ATXN7L1: variants seen among roughly 807,000 people sequenced by gnomAD.
The protein encoded by ATXN7L1 is ataxin 7 like 1.
ATXN7L1 carries 15 observed loss-of-function variants against 70.8 expected under a neutral mutation model. That is an observed-to-expected ratio of 0.21 (90% CI 0.14 to 0.33). The LOEUF (loss-of-function observed/expected upper bound fraction) is 0.33. Among genes scored for constraint, ATXN7L1 ranks in the 10% least tolerant of loss-of-function variants. The pLI, the probability that ATXN7L1 is intolerant of heterozygous loss-of-function variation, is 1.00. For synonymous variants in ATXN7L1, 440 were observed against 445.1 expected (o/e 0.99, Z 0.14); for missense variants, 975 against 1,097.1 (o/e 0.89, Z 1.57).
chr7:105,843,032 C>A (rs60969020), intron 2 of ATXN7L1, among the ~76,000 whole-genome samples: 2 of 151,978 alleles, frequency 1.3e-5, no homozygotes, highest in African/African-American at 4.8e-5. Context: ...ATAAAAGATA[C>A]GAAATCTTCA....
intron 2 of ATXN7L1, chr7:105,819,769 C>G (rs1309426270): frequency 1.3e-5 from 9 of 703,322 alleles, no homozygotes; most frequent in African/African-American, 1.2e-4. Context: ...CAAGACAAAG[C>G]AAGGCCGGGC....
intron 3 of ATXN7L1, among the ~76,000 whole-genome samples, chr7:105,750,068 T>C (rs1000626366): frequency 6.6e-6 from 1 of 151,862 alleles, no homozygotes; most frequent in Non-Finnish European, 1.5e-5. Flanking sequence ...ATTGACTTTT[T>C]TCTTCCCACT....
intron 4 of ATXN7L1, among the ~76,000 whole-genome samples, chr7:105,653,264 A>G (rs1283515131): frequency 2.0e-5 from 3 of 152,114 alleles, no homozygotes; most frequent in Non-Finnish European, 4.4e-5. Flanking sequence ...GCTGTCCAAC[A>G]TCATGAAACC....
At chr7:105,790,195 T>C (rs1228504682) in intron 2 of ATXN7L1, among the ~76,000 whole-genome samples, 1 of 152,202 alleles carries the variant, frequency 6.6e-6, no homozygotes, top group Non-Finnish European at 1.5e-5. Flanking sequence ...TAGAGTTTCT[T>C]TTTGGGTCAA....
chr7:105,651,546 G>C (rs1322586037), intron 4 of ATXN7L1, among the ~76,000 whole-genome samples: 1 of 152,194 alleles, frequency 6.6e-6, no homozygotes, highest in African/African-American at 2.4e-5. Context: ...CAGAGGGTGG[G>C]AGCAGCAGCC....
intron 2 of ATXN7L1, among the ~76,000 whole-genome samples, chr7:105,800,642 C>T (rs112046904): frequency 6.6e-6 from 1 of 152,178 alleles, no homozygotes; most frequent in Admixed American, 6.5e-5. Flanking sequence ...GACTAAAGAA[C>T]CACACAGGAA....
chr7:105,866,148 G>A lies in ATXN7L1; in HGVS notation c.250+9664C>T, dbSNP rs146963364. Among the ~76,000 whole-genome samples the A allele has an allele frequency of 2.1e-3, 326 of 152,160 alleles. 1 individual carries two copies. The highest frequency in any genetic ancestry group is 3.7e-3 in the African/African-American group (152 of 41,484). On this transcript the variant is annotated intron_variant, in intron 2 of 11. Coordinates refer to ENST00000419735, the MANE Select transcript of ATXN7L1 (RefSeq NM_020725.2). Reference sequence around the variant, plus strand: ...TGTCAATGCCTTGAGGTAAGGTCACGTAACTCACACTCCCCCTACAGTTAA... The same window carrying A: ...TGTCAATGCCTTGAGGTAAGGTCACATAACTCACACTCCCCCTACAGTTAA...
intron 3 of ATXN7L1, among the ~76,000 whole-genome samples, chr7:105,783,901 A>C (rs1168585082): frequency 6.6e-6 from 1 of 152,122 alleles, no homozygotes; most frequent in Non-Finnish European, 1.5e-5. Context: ...AAGTGGGGAC[A>C]CAGTTTTGTG....
intron 3 of ATXN7L1, chr7:105,760,876 G>C (rs951052712): frequency 6.3e-6 from 1 of 157,882 alleles, no homozygotes; most frequent in Non-Finnish European, 1.4e-5. Context: ...AAATTTTGAA[G>C]GCCAGCTTGA....
intron 3 of ATXN7L1, among the ~76,000 whole-genome samples, chr7:105,715,386 T>G (rs956218102): frequency 5.9e-5 from 9 of 152,232 alleles, no homozygotes; most frequent in African/African-American, 2.2e-4. Context: ...CAGGAAAGAC[T>G]CTGTAAATAG....
chr7:105,802,324 T>C (rs1407654567), intron 2 of ATXN7L1, among the ~76,000 whole-genome samples: 1 of 152,150 alleles, frequency 6.6e-6, no homozygotes, highest in Non-Finnish European at 1.5e-5. Context: ...CTCTCATCTC[T>C]GGGTTCAGAG....
chr7:105,665,234 G>A lies in ATXN7L1; in HGVS notation c.410C>T (p.Ser137Phe). The part of the protein sequence containing the change: ...RPSPSPVSPA[S>F]NPRTSLVQVK... ...CTGTACTAGTGATGTCCTGGGATTG[G>A]AGGCTGGAGACACTGGAGAGGGAGA... is the stretch of plus-strand genomic sequence containing the variant. Residue 137 changes from serine to phenylalanine, a missense_variant, in exon 4 of 12, where the codon TCC becomes TTC. Around this residue, in one of 5 missense-constraint regions of ATXN7L1, gnomAD observed 192 missense variants for 215.5 expected, o/e 0.89. Coordinates refer to ENST00000419735, the MANE Select transcript of ATXN7L1 (RefSeq NM_020725.2). 1.9e-6 allele frequency: 3 copies of A among 1,551,688 alleles called. No homozygotes were observed. Among genetic ancestry groups the A allele is most frequent in the Non-Finnish European group, 2.6e-6 (3 of 1,147,000 alleles).
chr7:105,635,702 G>C (rs1380670289), intron 7 of ATXN7L1, among the ~76,000 whole-genome samples: 5 of 152,196 alleles, frequency 3.3e-5, no homozygotes, highest in African/African-American at 1.2e-4. Context: ...AGAATGGGTT[G>C]CAATGTAAGA....
At chr7:105,626,615 T>C (rs534044420) in intron 7 of ATXN7L1, among the ~76,000 whole-genome samples, 23 of 152,342 alleles carry the variant, frequency 1.5e-4, no homozygotes, top group African/African-American at 5.3e-4. Flanking sequence ...CTGCCATTCA[T>C]TCTGCGTGTC....
chr7:105,621,233 T>C (rs1276107082), intron 8 of ATXN7L1, among the ~76,000 whole-genome samples: 1 of 152,220 alleles, frequency 6.6e-6, no homozygotes, highest in Non-Finnish European at 1.5e-5. Flanking sequence ...CCTTCTTCTT[T>C]TTGTCAATCC....
chr7:105,696,713 C>T (rs543579447), intron 3 of ATXN7L1, among the ~76,000 whole-genome samples: 64 of 152,284 alleles, frequency 4.2e-4, no homozygotes, highest in Non-Finnish European at 8.4e-4. Flanking sequence ...ACCAGACAAA[C>T]GCTGTTTTGC....
chr7:105,827,623 T>C (rs1811061532), intron 2 of ATXN7L1, among the ~76,000 whole-genome samples: 1 of 152,200 alleles, frequency 6.6e-6, no homozygotes, highest in African/African-American at 2.4e-5. Context: ...CAAGGCCGAC[T>C]GAGGGATGTG....
At chr7:105,697,395 C>T (rs1008276748) in intron 3 of ATXN7L1, among the ~76,000 whole-genome samples, 8 of 152,208 alleles carry the variant, frequency 5.3e-5, no homozygotes, top group East Asian at 1.9e-4. Context: ...AAGAATTCAG[C>T]GATATTTCTC....
At chr7:105,666,110 C>T (rs1802573206) in intron 3 of ATXN7L1, among the ~76,000 whole-genome samples, 1 of 152,138 alleles carries the variant, frequency 6.6e-6, no homozygotes, top group African/African-American at 2.4e-5. Context: ...TGTGCACCCG[C>T]TATGGGGTTC....
Sources: allele counts gnomAD v4.1 joint callset (sites outside exome capture counted in the v4.1 genomes callset), GRCh38; gene constraint gnomAD v4.1.1; regional missense constraint gnomAD v4.1.1; transcripts MANE v1.5; gene names NCBI Gene and HGNC (gene_info 2026-07-23, HGNC 2026-07-21).